The following PHYHIPL variants were observed in gnomAD, a reference collection of about 807,000 sequenced individuals.
The protein encoded by PHYHIPL is phytanoyl-CoA 2-hydroxylase interacting protein like.
In PHYHIPL, 9 loss-of-function variants were observed where a neutral mutation model predicts 33.4. That is an observed-to-expected ratio of 0.27 (90% confidence interval 0.16 to 0.47). The LOEUF (loss-of-function observed/expected upper bound fraction) is 0.47. Among genes scored for constraint, PHYHIPL ranks in the 20% least tolerant of loss-of-function variants. The pLI is 0.99. For missense variants in PHYHIPL, 365 were observed against 460.7 expected, an observed-to-expected ratio of 0.79 and a Z score of 1.90; for synonymous variants, 153 against 154.1, an observed-to-expected ratio of 0.99 and a Z score of 0.05.
At chr10:59,241,667 A>G (rs1780926760) in intron 4 of PHYHIPL, among the ~76,000 whole-genome samples, 1 of 152,176 alleles carries the variant, frequency 6.6e-6, no homozygotes, top group South Asian at 2.1e-4. Flanking sequence ...AGATCCATGT[A>G]GGACACATAT....
At chr10:59,182,067 T>G (rs1838426574) in intron 1 of PHYHIPL, among the ~76,000 whole-genome samples, 1 of 152,212 alleles carries the variant, frequency 6.6e-6, no homozygotes, top group Non-Finnish European at 1.5e-5. Flanking sequence ...TATACTTTCC[T>G]GATTACTTTT....
chr10:59,181,188 T>G (rs1838405104), intron 1 of PHYHIPL, among the ~76,000 whole-genome samples: 1 of 152,182 alleles, frequency 6.6e-6, no homozygotes, highest in Non-Finnish European at 1.5e-5. Flanking sequence ...TAATACAAAA[T>G]AGACAGTAAT....
chr10:59,232,118 G>A (rs937365713), intron 1 of PHYHIPL, among the ~76,000 whole-genome samples: 9 of 151,962 alleles, frequency 5.9e-5, no homozygotes, highest in Admixed American at 2.0e-4. Context: ...CAAAAACACC[G>A]CATGTTCTCA....
intron 1 of PHYHIPL, among the ~76,000 whole-genome samples, chr10:59,202,229 C>T (rs1400428867): frequency 6.6e-6 from 1 of 151,962 alleles, no homozygotes; most frequent in African/African-American, 2.4e-5. Context: ...AATTACCCAC[C>T]GGGTACAATG....
chr10:59,230,216 T>TC (rs1840040897), intron 1 of PHYHIPL, among the ~76,000 whole-genome samples: 1 of 147,942 alleles, frequency 6.8e-6, no homozygotes, highest in Non-Finnish European at 1.5e-5. Flanking sequence ...TGCTTTCTTT[T>TC]TTTTTTTTTT....
intron 1 of PHYHIPL, among the ~76,000 whole-genome samples, chr10:59,227,305 C>A (rs1028440641): frequency 8.5e-5 from 13 of 152,104 alleles, no homozygotes; most frequent in Admixed American, 7.2e-4. Flanking sequence ...GCAAGGCAAG[C>A]AAACATCCAA....
At chr10:59,228,053 G>A (rs1839978739) in intron 1 of PHYHIPL, among the ~76,000 whole-genome samples, 1 of 149,972 alleles carries the variant, frequency 6.7e-6, no homozygotes, top group African/African-American at 2.5e-5. Flanking sequence ...ACTGTAATTG[G>A]GAATACAGAT....
At chr10:59,185,331 A>G (rs1311303007) in intron 1 of PHYHIPL, among the ~76,000 whole-genome samples, 1 of 152,164 alleles carries the variant, frequency 6.6e-6, no homozygotes, top group African/African-American at 2.4e-5. Context: ...TCCATGGTGT[A>G]TATGTGCCAC....
intron 1 of PHYHIPL, among the ~76,000 whole-genome samples, chr10:59,185,755 A>C (rs1047359885): frequency 1.3e-5 from 2 of 152,146 alleles, no homozygotes; most frequent in African/African-American, 2.4e-5. Context: ...TGGCTGCGTA[A>C]ATGTCTTCTT....
intron 1 of PHYHIPL, among the ~76,000 whole-genome samples, chr10:59,209,411 A>C (rs894054756): frequency 2.6e-5 from 4 of 152,240 alleles, no homozygotes; most frequent in Non-Finnish European, 5.9e-5. Context: ...CCTGCCTTAC[A>C]AAAGCTTCTG....
chr10:59,221,630 T>C, intron 1 of PHYHIPL: 1 of 970,796 alleles, frequency 1.0e-6, no homozygotes, highest in Non-Finnish European at 1.2e-6. Context: ...CTGCTTCTCA[T>C]GTCAGTGGAA....
chr10:59,208,857 C>T (rs879636144), intron 1 of PHYHIPL, among the ~76,000 whole-genome samples: 2 of 151,916 alleles, frequency 1.3e-5, no homozygotes, highest in African/African-American at 4.8e-5. Flanking sequence ...TGAAATAAAG[C>T]ATGAAGACAA....
intron 1 of PHYHIPL, among the ~76,000 whole-genome samples, chr10:59,210,650 A>G (rs1276578964): frequency 6.6e-6 from 1 of 152,250 alleles, no homozygotes; most frequent in Admixed American, 6.5e-5. Flanking sequence ...AGCACTGTTC[A>G]CAATAGCAAA....
intron 1 of PHYHIPL, among the ~76,000 whole-genome samples, chr10:59,186,065 C>G (rs1254876817): frequency 1.3e-5 from 2 of 152,098 alleles, no homozygotes; most frequent in Admixed American, 6.6e-5. Context: ...AATGGTATTG[C>G]CTGGGTTTTC....
At chr10:59,177,513 A>C (rs1331327589) in intron 1 of PHYHIPL, 1 of 1,551,290 alleles carries the variant, frequency 6.4e-7, no homozygotes, top group Non-Finnish European at 8.7e-7. Flanking sequence ...AAAACAGTGC[A>C]TTTCAGCACC....
chr10:59,192,415 G>A (rs974241489), intron 1 of PHYHIPL, among the ~76,000 whole-genome samples: 22 of 152,090 alleles, frequency 1.4e-4, no homozygotes, highest in African/African-American at 5.3e-4. Flanking sequence ...TGGAGCCCAA[G>A]AATTTGCATT....
intron 1 of PHYHIPL, among the ~76,000 whole-genome samples, chr10:59,202,993 A>G (rs1251731732): frequency 3.3e-5 from 5 of 151,804 alleles, no homozygotes; most frequent in Non-Finnish European, 5.9e-5. Flanking sequence ...GATTACTAAA[A>G]AGGCCATAGA....
At chr10:59,244,917 A>G in intron 4 of PHYHIPL, 140 bp from the exon 5 acceptor site, 2 of 819,966 alleles carry the variant, frequency 2.4e-6, no homozygotes, top group South Asian at 4.3e-5. Flanking sequence ...ATGTCAAAAG[A>G]TGTTGTCCCC....
At chr10:59,217,060 C>T (rs748054199) in intron 1 of PHYHIPL, among the ~76,000 whole-genome samples, 4 of 152,040 alleles carry the variant, frequency 2.6e-5, no homozygotes, top group African/African-American at 4.8e-5. Context: ...TATATTTTCA[C>T]ATATGGAGAT....
Sources: gnomAD v4.1 joint callset for allele counts (sites outside exome capture counted in the v4.1 genomes callset) on GRCh38, gnomAD v4.1.1 for gene constraint, MANE v1.5 for transcripts, NCBI Gene and HGNC (gene_info 2026-07-23, HGNC 2026-07-21) for gene names.